Variants in WDFY3 observed in about 807,000 individuals in gnomAD.
The protein encoded by WDFY3 is WD repeat and FYVE domain containing 3, also known as WD repeat and FYVE domain-containing protein 3.
In WDFY3, 66 loss-of-function variants were observed where a neutral mutation model predicts 409.6. That is an observed-to-expected ratio of 0.16 (90% CI 0.13 to 0.20). The LOEUF (loss-of-function observed/expected upper bound fraction) is 0.20. WDFY3 is among the 10% of genes least tolerant of loss of function. The pLI is 1.00. For missense variants in WDFY3, 3,031 were observed against 4,298.1 expected (o/e 0.71, Z 8.24); for synonymous variants, 1,521 against 1,537.1 (o/e 0.99, Z 0.25).
In WDFY3 at chr4:84,918,850, C is replaced by CAT. The variant is rs529751700; in HGVS notation, c.-132+13418_-132+13419dup. ...ATAGATATATATATACACACACACACATATATATATATACACACACACATG... is the reference window on the plus strand; with the variant it reads ...ATAGATATATATATACACACACACACATATATATATATATACACACACACATG... On this transcript the variant is annotated intron_variant, in intron 2 of 67. Transcript: ENST00000295888. Among the ~76,000 whole-genome samples, 1,359 of 149,656 alleles carry CAT rather than the reference C, an allele frequency of 9.1e-3. 25 individuals carry two copies. The highest frequency in any genetic ancestry group is 0.03 in the African/African-American group (1,212 of 40,808).
At chr4:84,717,724 T>TGCTGTTTC (rs1734171355) in intron 48 of WDFY3, among the ~76,000 whole-genome samples, 1 of 152,174 alleles carries the variant, frequency 6.6e-6, no homozygotes, top group African/African-American at 2.4e-5. Context: ...GCTTTAGTCA[T>TGCTGTTTC]GCTGTTTCTA....
chr4:84,712,290 A>G (rs1440964352), intron 51 of WDFY3, among the ~76,000 whole-genome samples: 1 of 149,858 alleles, frequency 6.7e-6, no homozygotes, highest in Non-Finnish European at 1.5e-5. Flanking sequence ...TGAGCCCAGG[A>G]GGCAGAGGTT....
intron 34 of WDFY3, among the ~76,000 whole-genome samples, chr4:84,754,529 C>T (rs940596089): frequency 1.3e-5 from 2 of 152,120 alleles, no homozygotes; most frequent in African/African-American, 4.8e-5. Flanking sequence ...TTAGATTTGT[C>T]AGGTACATGT....
chr4:84,826,228 C>T (rs1349496161), intron 10 of WDFY3, among the ~76,000 whole-genome samples: 1 of 151,966 alleles, frequency 6.6e-6, no homozygotes, highest in Non-Finnish European at 1.5e-5. Context: ...TTTTCCTTGT[C>T]ATTATTTCCT....
chr4:84,836,250 C>T (rs1316576334), intron 7 of WDFY3, among the ~76,000 whole-genome samples: 2 of 152,150 alleles, frequency 1.3e-5, no homozygotes, highest in Admixed American at 6.5e-5. Context: ...AGTGGAATCA[C>T]GCAGTATTTG....
chr4:84,868,244 C>A (rs1454253195), intron 3 of WDFY3, among the ~76,000 whole-genome samples: 2 of 121,760 alleles, frequency 1.6e-5, no homozygotes, highest in Non-Finnish European at 3.4e-5. Flanking sequence ...CTTTTTCTTT[C>A]TTCTTCTTAA....
intron 36 of WDFY3, among the ~76,000 whole-genome samples, chr4:84,744,851 TCAAAAAAAAAA>T (rs1356118199): frequency 9.6e-5 from 3 of 31,254 alleles, no homozygotes; most frequent in Non-Finnish European, 1.1e-4. Flanking sequence ...AGACTCCGTC[TCAAAAAAAAAA>T]AAAAAAAAAA....
intron 1 of WDFY3, among the ~76,000 whole-genome samples, chr4:84,963,869 C>T (rs915282004): frequency 1.4e-4 from 21 of 152,212 alleles, no homozygotes; most frequent in Admixed American, 1.3e-3. Context: ...TATTTTCCTT[C>T]GATTTAAATG....
intron 64 of WDFY3, 51 bp from the exon 65 acceptor site, chr4:84,679,293 C>T: frequency 7.0e-7 from 1 of 1,431,596 alleles, no homozygotes; most frequent in Non-Finnish European, 9.2e-7. Flanking sequence ...CAAAGTTACA[C>T]CCAGCTTTGT....
At position 84,683,800 on chromosome 4, in the gene WDFY3, G is replaced by A. The variant is rs962139807; in HGVS notation, c.9726+143C>T. ...AGTGTTCCTCATGTCTGATAACGCAGAGGCCAAGGCCTGTCTGAGCTGGAG... is the reference window on the plus strand; with the variant it reads ...AGTGTTCCTCATGTCTGATAACGCAAAGGCCAAGGCCTGTCTGAGCTGGAG... On this transcript the variant is annotated intron_variant, in intron 63 of 67. Transcript: ENST00000295888. The A allele has an allele frequency of 2.8e-5, 21 of 758,456 alleles. No homozygotes were observed. In the African/African-American group the frequency reaches 3.5e-4, roughly 13 times the overall value. The allele number at this position is 758,456 out of a possible 1,614,324, so 47.0% of individuals were successfully genotyped here. A position where few individuals can be genotyped will look rare whatever the true frequency, so the allele number is the denominator to read the frequency against.
chr4:84,820,963 T>G, intron 11 of WDFY3, 121 bp downstream of exon 11: 2 of 1,008,476 alleles, frequency 2.0e-6, no homozygotes, highest in Non-Finnish European at 2.8e-6. Context: ...CACTAATATG[T>G]CACAATAATG....
intron 4 of WDFY3, among the ~76,000 whole-genome samples, chr4:84,851,712 G>GA (rs938237428): frequency 6.6e-6 from 1 of 152,010 alleles, no homozygotes; most frequent in African/African-American, 2.4e-5. Flanking sequence ...CCTTTAGCAT[G>GA]AAAAAATATA....
intron 13 of WDFY3, 27 bp from the exon 14 acceptor site, chr4:84,810,371 T>G: frequency 1.4e-6 from 2 of 1,421,938 alleles, no homozygotes; most frequent in South Asian, 1.5e-5. Context: ...AAAAAACAAA[T>G]GAAAATACAC....
At chr4:84,777,814 C>T (rs1220432425) in intron 27 of WDFY3, among the ~76,000 whole-genome samples, 1 of 152,082 alleles carries the variant, frequency 6.6e-6, no homozygotes, top group Non-Finnish European at 1.5e-5. Context: ...TACAGTTTCA[C>T]AGGGATATAT....
chr4:84,940,181 T>C (rs912243626), intron 1 of WDFY3, among the ~76,000 whole-genome samples: 10 of 152,108 alleles, frequency 6.6e-5, no homozygotes, highest in African/African-American at 2.2e-4. Context: ...AGAAGTGCTA[T>C]GTCCATATCA....
intron 13 of WDFY3, 139 bp from the exon 14 acceptor site, chr4:84,810,483 A>C: frequency 1.4e-6 from 1 of 702,984 alleles, no homozygotes; most frequent in South Asian, 2.5e-5. Flanking sequence ...CGGTCCTATA[A>C]AGCATATCAA....
In WDFY3 at chr4:84,778,337, A is replaced by G. The variant is rs544653871; in HGVS notation, c.4518+166T>C. ...AAATGGAATATCCTTGGAGAAAAGG[A>G]ACCCCAGCATTATTCTACTTTTTAT... On this transcript the variant is annotated intron_variant, in intron 27 of 67. Transcript: ENST00000295888. Among the ~76,000 whole-genome samples the G allele has an allele frequency of 3.1e-3, 479 of 152,292 alleles. 5 individuals are homozygous for G. The highest frequency in any genetic ancestry group is 2.9e-3 in the Non-Finnish European group (197 of 68,000).
At position 84,784,873 on chromosome 4, in the gene WDFY3, TATATATATATATATATATAC is replaced by T. The variant is rs1274299712; in HGVS notation, c.4062+1086_4062+1105del. Among the ~76,000 whole-genome samples the T allele has an allele frequency of 8.2e-4, 59 of 72,286 alleles. 1 individual carries two copies. Among genetic ancestry groups the T allele is most frequent in the Non-Finnish European group, 1.3e-3 (44 of 35,012 alleles). The allele number at this position is 72,286 out of a possible 152,430, so 47.4% of individuals were successfully genotyped here. On this transcript the variant is annotated intron_variant, in intron 24 of 67. Transcript: ENST00000295888. ...AAGTGTATATGTATATATATATATATATATATATATATATATATACACACACACACACACACACACACACA... is the reference window on the plus strand; with the variant it reads ...AAGTGTATATGTATATATATATATATACACACACACACACACACACACACA...
chr4:84,783,581 G>T (rs1179858066), intron 24 of WDFY3, among the ~76,000 whole-genome samples: 2 of 152,058 alleles, frequency 1.3e-5, no homozygotes, highest in African/African-American at 4.8e-5. Context: ...ACAGCTTCAG[G>T]GGTCTTTGTG....
Sources: gnomAD v4.1 joint callset for allele counts (sites outside exome capture counted in the v4.1 genomes callset) on GRCh38, gnomAD v4.1.1 for gene constraint, MANE v1.5 for transcripts, NCBI Gene and HGNC (gene_info 2026-07-23, HGNC 2026-07-21) for gene names.